The following HPS1 variants were observed in gnomAD, a reference collection of about 807,000 sequenced individuals.
The protein encoded by HPS1 is BLOC-3 complex member HPS1.
HPS1 carries 59 observed loss-of-function variants against 90.6 expected under a neutral mutation model. The ratio of observed to expected loss-of-function variants is 0.65; its 90% confidence interval spans 0.53 to 0.81. The LOEUF (loss-of-function observed/expected upper bound fraction) is 0.81, where lower values mean the gene tolerates loss of function less well. Ranked by LOEUF, HPS1 falls within the 30% of genes least tolerant of loss-of-function variation. The pLI is 0.00. For synonymous variants in HPS1, 388 were observed against 384.4 expected (o/e 1.01, Z -0.11); for missense variants, 849 against 896.7 (o/e 0.95, Z 0.68).
At position 98,422,150 on chromosome 10, in the gene HPS1, T is replaced by C. The variant is rs918421249; in HGVS notation, c.1743+219A>G. Among the ~76,000 whole-genome samples, 3 of 152,384 alleles carry C rather than the reference T, an allele frequency of 2.0e-5. No homozygotes were observed. In the East Asian group the frequency reaches 5.8e-4, roughly 29 times the overall value. The stretch of plus-strand genomic sequence containing the variant: ...TTCCTTAACAGAAATCACCTTGTTT[T>C]AAATTCTGATGCCCAACTGATGGAC... On this transcript the variant is annotated intron_variant, in intron 17 of 19. Coordinates refer to ENST00000361490, the MANE Select transcript of HPS1 (RefSeq NM_000195.5).
chr10:98,416,214 C>T lies in HPS1; in HGVS notation c.*1350G>A, dbSNP rs772542226. 2.6e-5 allele frequency: 4 copies of T among 152,296 alleles called. No individual in the cohort carries two copies. The highest frequency in any genetic ancestry group is 5.9e-5 in the Non-Finnish European group (4 of 68,026). The allele number at this position is 152,296 out of a possible 1,614,324, so 9.4% of individuals were successfully genotyped here. A position where few individuals can be genotyped will look rare whatever the true frequency, so the allele number is the denominator to read the frequency against. On this transcript the variant is annotated 3_prime_UTR_variant, in exon 20 of 20. Transcript: ENST00000361490. ...CTGCTAAGATCTGATTCAGGATGTT[C>T]ACTCCTGTGTTATTTATTATATAGA...
chr10:98,417,784 C>CAG lies in HPS1; in HGVS notation c.1941-60_1941-59dup. On this transcript the variant is annotated intron_variant, in intron 19 of 19. Transcript: ENST00000361490. The surrounding 1 kb of genome is among the most constrained non-coding windows in gnomAD (Gnocchi z 4.2). Reference sequence around the variant, plus strand: ...TGAGGCTGTGGCACTCCTCCAGCGCCAGAGGCCTCTCTGGGCCCTCGCAAG... The same window carrying CAG: ...TGAGGCTGTGGCACTCCTCCAGCGCCAGAGAGGCCTCTCTGGGCCCTCGCAAG... The CAG allele has an allele frequency of 6.5e-7, 1 of 1,540,566 alleles. No homozygotes were observed. The highest frequency in any genetic ancestry group is 9.0e-7 in the Non-Finnish European group (1 of 1,114,924).
intron 3 of HPS1, among the ~76,000 whole-genome samples, chr10:98,440,513 T>C (rs1591146192): frequency 6.6e-6 from 1 of 151,860 alleles, no homozygotes; most frequent in East Asian, 1.9e-4. Flanking sequence ...CTTGATATAA[T>C]GGCAAGTGGA....
intron 17 of HPS1, among the ~76,000 whole-genome samples, chr10:98,421,992 A>C (rs1844928466): frequency 6.7e-6 from 1 of 149,890 alleles, no homozygotes; most frequent in African/African-American, 2.4e-5. Flanking sequence ...ACACACACAC[A>C]CACACACACA....
rs1845238760 is a variant in HPS1, at chr10:98,423,873, C to T, written c.1412G>A (p.Cys471Tyr). ...GCAGAGCTGCCGCTTCAGCTTCCCA[C>T]ATGCCTGGAGCAGCCTGAGCACGAG... ...PGSSWELLQA[C>Y]GKLKRQLCAI... Residue 471 changes from cysteine to tyrosine, a missense_variant, in exon 15 of 20, where the codon TGT becomes TAT. Physicochemically the swap from Cys to Tyr is radical, Grantham distance 194 (BLOSUM62 -2). Transcript: ENST00000361490. 1 of 1,613,864 alleles carries T rather than the reference C, an allele frequency of 6.2e-7. No homozygotes were observed. The highest frequency in any genetic ancestry group is 8.5e-7 in the Non-Finnish European group (1 of 1,180,014).
chr10:98,424,965 A>T (rs1324137357), intron 13 of HPS1, among the ~76,000 whole-genome samples: 1 of 151,584 alleles, frequency 6.6e-6, no homozygotes, highest in Non-Finnish European at 1.5e-5. Flanking sequence ...TCCAGAGTCA[A>T]GCCCCACCAG....
chr10:98,445,749 CAGGT>C lies in HPS1; in HGVS notation c.-105-349_-105-346del, dbSNP rs1243446981. ...TGACGGGAGACAGCATAGCACATCCCAGGTGGTGAGGATGCAGTCCCGGTGAAGG... is the reference window on the plus strand; with the variant it reads ...TGACGGGAGACAGCATAGCACATCCCGGTGAGGATGCAGTCCCGGTGAAGG... On this transcript the variant is annotated intron_variant, in intron 1 of 19. Coordinates refer to ENST00000361490, the MANE Select transcript of HPS1 (RefSeq NM_000195.5). The surrounding 1 kb of genome is among the most constrained non-coding windows in gnomAD (Gnocchi z 4.5). Among the ~76,000 whole-genome samples the C allele has an allele frequency of 2.6e-5, 4 of 152,164 alleles. No individual in the cohort carries two copies. Among genetic ancestry groups the C allele is most frequent in the African/African-American group, 9.7e-5 (4 of 41,436 alleles).
At chr10:98,431,690 A>G (rs913787025) in intron 6 of HPS1, among the ~76,000 whole-genome samples, 1 of 152,194 alleles carries the variant, frequency 6.6e-6, no homozygotes, top group Non-Finnish European at 1.5e-5. Flanking sequence ...GAGAGAGAGA[A>G]CACTGCAAGT....
chr10:98,424,003 T>G, intron 14 of HPS1, 116 bp from the exon 15 acceptor site: 3 of 1,391,924 alleles, frequency 2.2e-6, no homozygotes, highest in Non-Finnish European at 3.0e-6. Flanking sequence ...CCCTTCCCCC[T>G]TGTGGACCAC....
At chr10:98,420,230 A>G (rs1844678254) in intron 17 of HPS1, 72 bp from the exon 18 acceptor site, 1 of 1,103,498 alleles carries the variant, frequency 9.1e-7, no homozygotes, top group Non-Finnish European at 1.4e-6. Context: ...CCTCCGAAGG[A>G]AGGAAAGGGC....
At chr10:98,415,080 G>A (rs779532936), downstream of HPS1, 6 of 1,614,024 alleles carry the variant, frequency 3.7e-6, no homozygotes, top group African/African-American at 2.7e-5. Flanking sequence ...TCGTCTCCAC[G>A]CCGGGAAGGG....
intron 18 of HPS1, among the ~76,000 whole-genome samples, chr10:98,418,612 A>G (rs1278685941): frequency 6.6e-6 from 1 of 152,222 alleles, no homozygotes; most frequent in African/African-American, 2.4e-5. Context: ...AAGAATTGGG[A>G]ATTCCCAGGG....
intron 18 of HPS1, 95 bp from the exon 19 acceptor site, chr10:98,418,352 G>A (rs993483486): frequency 6.7e-6 from 4 of 598,306 alleles, no homozygotes; most frequent in Non-Finnish European, 1.2e-5. Context: ...GCTCTGTCAT[G>A]TGCGCTGGGT....
In HPS1 at chr10:98,417,518, G is replaced by T. The variant is rs1448593922; in HGVS notation, c.*46C>A. On this transcript the variant is annotated 3_prime_UTR_variant, in exon 20 of 20. Transcript: ENST00000361490. This position sits in a 1 kb window ranked among gnomAD's most constrained non-coding sequence, Gnocchi z 4.2. ...GTCATGGGGAACAGTGGCAAGCAAG[G>T]GTGGCTGGAGGACAGGATGCAAAGG... 4 of 1,547,318 alleles carry T rather than the reference G, an allele frequency of 2.6e-6. No homozygotes were observed. Among genetic ancestry groups the T allele is most frequent in the Non-Finnish European group, 3.5e-6 (4 of 1,131,990 alleles).
In HPS1 at chr10:98,422,412, G is replaced by A. The variant is rs375906039; in HGVS notation, c.1700C>T (p.Ser567Leu). ...AGCCAGCGGCCCCTTGCCCAACTCCGACGAGGTCTTTTGACTGCAGTTGAG... is the reference window on the plus strand; with the variant it reads ...AGCCAGCGGCCCCTTGCCCAACTCCAACGAGGTCTTTTGACTGCAGTTGAG... ...PSLNCSQKTS[S>L]ELGKGPLAAF... The change falls in exon 17 of 20, where the codon TCG (serine) becomes TTG (leucine). Residue 567 changes from serine to leucine, a missense_variant. Physicochemically the swap from Ser to Leu is moderately radical, Grantham distance 145. Coordinates refer to ENST00000361490, the MANE Select transcript of HPS1 (RefSeq NM_000195.5). 4.1e-5 allele frequency: 64 copies of A among 1,579,546 alleles called. No homozygotes were observed. Among genetic ancestry groups the A allele is most frequent in the Middle Eastern group, 1.7e-4 (1 of 5,898 alleles).
At chr10:98,418,984 G>A (rs771105729) in intron 18 of HPS1, among the ~76,000 whole-genome samples, 42 of 152,226 alleles carry the variant, frequency 2.8e-4, no homozygotes, top group Non-Finnish European at 4.3e-4. Flanking sequence ...CCTGCAGGCC[G>A]GGGGAGCAGA....
At chr10:98,424,000 C>T in intron 14 of HPS1, 113 bp from the exon 15 acceptor site, 1 of 1,404,862 alleles carries the variant, frequency 7.1e-7, no homozygotes, top group Non-Finnish European at 9.9e-7. Flanking sequence ...GAGCCCTTCC[C>T]CCTTGTGGAC....
At chr10:98,439,054 T>C (rs998317871) in intron 3 of HPS1, among the ~76,000 whole-genome samples, 3 of 152,186 alleles carry the variant, frequency 2.0e-5, no homozygotes, top group Non-Finnish European at 4.4e-5. Flanking sequence ...CGGGTGCACA[T>C]AAATCAAAAA....
At chr10:98,430,788 T>C in intron 7 of HPS1, 118 bp from the exon 8 acceptor site, 2 of 797,022 alleles carry the variant, frequency 2.5e-6, no homozygotes, top group Non-Finnish European at 4.2e-6. Context: ...CTTCTGGAGA[T>C]GGGCAAGGCA....
Sources: allele counts gnomAD v4.1 joint callset (sites outside exome capture counted in the v4.1 genomes callset), GRCh38; gene constraint gnomAD v4.1.1; non-coding constraint Gnocchi (gnomAD v3.1); transcripts MANE v1.5; gene names NCBI Gene and HGNC (gene_info 2026-07-23, HGNC 2026-07-21).